PRR5L: variants seen among roughly 807,000 people sequenced by gnomAD.
PRR5L encodes proline-rich protein 5-like.
Under a neutral mutation model 36.4 loss-of-function variants are expected in PRR5L, and 21 were observed. That is an observed-to-expected ratio of 0.58 (90% CI 0.41 to 0.83). PRR5L has a LOEUF of 0.83. Among genes scored for constraint, PRR5L ranks in the 40% least tolerant of loss-of-function variants. PRR5L has a pLI of 0.00. For synonymous variants in PRR5L, 188 were observed against 197.0 expected (o/e 0.95, Z 0.38); for missense variants, 381 against 473.3 (o/e 0.80, Z 1.81).
In PRR5L at chr11:36,348,988, A is replaced by C. The variant is rs376926447; in HGVS notation, c.-125-52009A>C. Among the ~76,000 whole-genome samples the C allele has an allele frequency of 5.3e-4, 80 of 152,288 alleles. No homozygotes were observed. In the South Asian group the frequency reaches 0.016, roughly 31 times the overall value. On this transcript the variant is annotated intron_variant, in intron 1 of 8. Coordinates refer to ENST00000530639, the MANE Select transcript of PRR5L (RefSeq NM_001160167.2). The stretch of plus-strand genomic sequence containing the variant: ...AAATGTCCTTAGCATCCCTCGCTGA[A>C]AAATTGAAGATTTTGGCTGGGTGTG...
chr11:36,316,222 C>T (rs772929617), intron 1 of PRR5L, among the ~76,000 whole-genome samples: 12 of 152,140 alleles, frequency 7.9e-5, no homozygotes, highest in South Asian at 2.1e-4. Context: ...AGGATACAAA[C>T]GGGTCTGGCT....
intron 1 of PRR5L, among the ~76,000 whole-genome samples, chr11:36,357,140 C>T (rs2133498477): frequency 6.6e-6 from 1 of 152,250 alleles, no homozygotes; most frequent in Middle Eastern, 3.4e-3. Context: ...ATCAAACCAG[C>T]CACAACATTC....
chr11:36,350,491 T>C lies in PRR5L; in HGVS notation c.-125-50506T>C, dbSNP rs550826005. ...AAACAGAGAACCAGTTAAAAAAAGT[T>C]CATGTTTCAGAATTTGTTAAAACTA... On this transcript the variant is annotated intron_variant, in intron 1 of 8. Coordinates refer to ENST00000530639, the MANE Select transcript of PRR5L (RefSeq NM_001160167.2). 9.9e-5 allele frequency among the ~76,000 whole-genome samples: 15 copies of C among 152,212 alleles called. No individual in the cohort carries two copies. In the South Asian group the frequency reaches 2.9e-3, roughly 29 times the overall value.
intron 1 of PRR5L, among the ~76,000 whole-genome samples, chr11:36,338,916 G>A (rs1328674861): frequency 1.3e-5 from 2 of 152,090 alleles, no homozygotes; most frequent in Non-Finnish European, 2.9e-5. Flanking sequence ...ACTGAGTCAC[G>A]GGGGCCCGTC....
intron 8 of PRR5L, among the ~76,000 whole-genome samples, chr11:36,458,212 C>T (rs1014182845): frequency 2.0e-5 from 3 of 152,172 alleles, no homozygotes; most frequent in Admixed American, 6.5e-5. Context: ...TACTTGACTT[C>T]AGTGGGTGGG....
chr11:36,452,427 C>T (rs331473), intron 8 of PRR5L, among the ~76,000 whole-genome samples: 3,518 of 152,326 alleles, frequency 0.023, 122 homozygotes, highest in African/African-American at 0.078. Flanking sequence ...TTTTCACCAC[C>T]CTGCTCATGT....
intron 1 of PRR5L, among the ~76,000 whole-genome samples, chr11:36,351,878 A>G (rs1421590283): frequency 4.7e-5 from 7 of 148,788 alleles, no homozygotes; most frequent in African/African-American, 1.7e-4. Flanking sequence ...TTGTGCGGCT[A>G]TAAACATGCG....
chr11:36,311,491 C>G (rs1856502305), intron 1 of PRR5L, among the ~76,000 whole-genome samples: 1 of 152,170 alleles, frequency 6.6e-6, no homozygotes, highest in African/African-American at 2.4e-5. Flanking sequence ...TTTATATCAT[C>G]TTAACAAACC....
intron 6 of PRR5L, among the ~76,000 whole-genome samples, chr11:36,440,235 C>A (rs932878617): frequency 2.0e-5 from 3 of 152,104 alleles, no homozygotes; most frequent in African/African-American, 7.2e-5. Context: ...AACCTCCCCC[C>A]CACCTATGCT....
chr11:36,302,802 A>C (rs1209772394), intron 1 of PRR5L, among the ~76,000 whole-genome samples: 1 of 151,968 alleles, frequency 6.6e-6, no homozygotes, highest in African/African-American at 2.4e-5. Flanking sequence ...AATAAAAATA[A>C]AAATAAAAAA....
chr11:36,428,422 A>G (rs1205023200), intron 4 of PRR5L, among the ~76,000 whole-genome samples: 5 of 152,214 alleles, frequency 3.3e-5, no homozygotes, highest in Admixed American at 6.5e-5. Flanking sequence ...TGGGGCTCCA[A>G]TTCTCTAGAG....
intron 8 of PRR5L, among the ~76,000 whole-genome samples, chr11:36,461,428 C>A (rs1216000801): frequency 6.6e-6 from 1 of 151,930 alleles, no homozygotes; most frequent in Non-Finnish European, 1.5e-5. Context: ...TTCAGGACCA[C>A]CCTGGCCAAC....
At chr11:36,381,843 A>G (rs1287436710) in intron 1 of PRR5L, 6 of 152,052 alleles carry the variant, frequency 3.9e-5, no homozygotes, top group Non-Finnish European at 7.4e-5. Context: ...ACAGGACAAT[A>G]GATTCCTTTC....
intron 8 of PRR5L, among the ~76,000 whole-genome samples, chr11:36,458,121 G>A (rs918607661): frequency 3.3e-5 from 5 of 152,182 alleles, no homozygotes; most frequent in African/African-American, 7.2e-5. Context: ...GTTGCTCCTT[G>A]GCGTTTTGTC....
intron 6 of PRR5L, among the ~76,000 whole-genome samples, chr11:36,444,429 T>C (rs1339979169): frequency 6.6e-6 from 1 of 152,274 alleles, no homozygotes; most frequent in Admixed American, 6.5e-5. Context: ...AGAGGACTTG[T>C]AACTTTACCT....
At chr11:36,329,855 C>T (rs1856701248) in intron 1 of PRR5L, among the ~76,000 whole-genome samples, 1 of 152,132 alleles carries the variant, frequency 6.6e-6, no homozygotes, top group African/African-American at 2.4e-5. Flanking sequence ...CAAAAGTGAC[C>T]TTCATTACTC....
intron 7 of PRR5L, among the ~76,000 whole-genome samples, chr11:36,447,755 G>A (rs535944179): frequency 6.6e-6 from 1 of 152,242 alleles, no homozygotes; most frequent in East Asian, 1.9e-4. Flanking sequence ...CCCCTTTCCT[G>A]TAATTAGAGA....
chr11:36,423,928 C>T (rs1858325781), intron 4 of PRR5L, among the ~76,000 whole-genome samples: 1 of 152,130 alleles, frequency 6.6e-6, no homozygotes, highest in Non-Finnish European at 1.5e-5. Context: ...CGAGAAGCAC[C>T]CCTGGGTGTC....
intron 3 of PRR5L, among the ~76,000 whole-genome samples, chr11:36,404,521 C>T (rs1468422926): frequency 1.3e-5 from 2 of 152,114 alleles, no homozygotes; most frequent in African/African-American, 4.8e-5. Context: ...CCACCTCAGC[C>T]TCCCAAAGTG....
Sources: gnomAD v4.1 joint callset for allele counts (sites outside exome capture counted in the v4.1 genomes callset) on GRCh38, gnomAD v4.1.1 for gene constraint, MANE v1.5 for transcripts, NCBI Gene and HGNC (gene_info 2026-07-23, HGNC 2026-07-21) for gene names.